The following AKR1C3 variants were observed in gnomAD, a reference collection of about 807,000 sequenced individuals.
The protein encoded by AKR1C3 is 3-alpha hydroxysteroid dehydrogenase, type II.
A neutral mutation model predicts 43.6 loss-of-function variants in AKR1C3; 48 were observed. That is an observed-to-expected ratio of 1.10 (90% confidence interval 0.87 to 1.40). AKR1C3 has a LOEUF of 1.40. AKR1C3 is among the 40% of genes most tolerant of loss of function. The probability of loss-of-function intolerance (pLI) is 0.00; values close to 1 mark genes in which losing one functional copy is unlikely to be tolerated. For synonymous variants in AKR1C3, 162 were observed against 139.6 expected (o/e 1.16, Z -1.13); for missense variants, 482 against 391.2 (o/e 1.23, Z -1.96).
At chr10:5,056,208 C>G (rs974354944) in intron 1 of AKR1C3, among the ~76,000 whole-genome samples, 1 of 152,144 alleles carries the variant, frequency 6.6e-6, no homozygotes, top group African/African-American at 2.4e-5. Flanking sequence ...CAGATGAGGG[C>G]TATCCCTAAA....
chr10:5,077,857 T>G (rs988000120), intron 1 of AKR1C3: 3 of 533,578 alleles, frequency 5.6e-6, no homozygotes, highest in Non-Finnish European at 6.4e-6. Context: ...TTCTCGGAGT[T>G]ATTTCTAAAC....
chr10:5,083,589 A>G (rs1361865161), intron 1 of AKR1C3, among the ~76,000 whole-genome samples: 121 of 152,300 alleles, frequency 7.9e-4, no homozygotes, highest in South Asian at 2.7e-3. Context: ...TTGGGTATAT[A>G]CCCAGTAATG....
In AKR1C3 at chr10:5,062,014, T is replaced by A. The variant is rs72549123; in HGVS notation, c.84+13119T>A. Among the ~76,000 whole-genome samples the A allele has an allele frequency of 5.3e-3, 800 of 152,334 alleles. 7 individuals carry two copies. Among genetic ancestry groups the A allele is most frequent in the African/African-American group, 0.018 (753 of 41,570 alleles). On this transcript the variant is annotated intron_variant, in intron 1 of 8. Coordinates refer to the AKR1C3 transcript ENST00000439082. ...CACAAAGTTTTCAAACTTTAGTAAA[T>A]GTTAGGAACAACTCTTACAAAGACA...
At chr10:5,077,814 G>C (rs1490050486) in intron 1 of AKR1C3, 2 of 567,430 alleles carry the variant, frequency 3.5e-6, no homozygotes, top group Non-Finnish European at 5.5e-6. Flanking sequence ...AAATCTGACC[G>C]ATTTTCAATG....
intron 1 of AKR1C3, among the ~76,000 whole-genome samples, chr10:5,069,520 A>T (rs547678750): frequency 7.9e-5 from 12 of 152,244 alleles, no homozygotes; most frequent in African/African-American, 2.6e-4. Context: ...TTGCCTACTG[A>T]ATTATGTGTT....
rs990969826 is a variant in AKR1C3, at chr10:5,099,197, T to C, written c.448-130T>C. 3 of 1,475,186 alleles carry C rather than the reference T, an allele frequency of 2.0e-6. No individual in the cohort carries two copies. In the African/African-American group the frequency reaches 4.2e-5, roughly 21 times the overall value. 91.4% of individuals were successfully genotyped at this position (1,475,186 alleles called of 1,614,324 possible). On this transcript the variant is annotated intron_variant, in intron 4 of 8. Coordinates refer to ENST00000380554, the MANE Select transcript of AKR1C3 (RefSeq NM_003739.6). The stretch of plus-strand genomic sequence containing the variant: ...CTATTTGCTGTTTGAATTTTTCTTT[T>C]TTTGACAATCACTGCTAGCTATTTT...
chr10:5,104,963 G>C (rs928192432), intron 7 of AKR1C3, among the ~76,000 whole-genome samples: 1 of 151,980 alleles, frequency 6.6e-6, no homozygotes, highest in Non-Finnish European at 1.5e-5. Context: ...CTCATTCTCT[G>C]TATCACTATT....
At chr10:5,097,352 T>C in intron 2 of AKR1C3, 82 bp from the exon 3 acceptor site, 1 of 1,514,586 alleles carries the variant, frequency 6.6e-7, no homozygotes, top group Non-Finnish European at 8.9e-7. Flanking sequence ...AGTAGGAAAA[T>C]ATCTAAATAC....
upstream of AKR1C3, among the ~76,000 whole-genome samples, chr10:5,089,995 G>A (rs1204247030): frequency 6.6e-6 from 1 of 152,156 alleles, no homozygotes; most frequent in Non-Finnish European, 1.5e-5. Flanking sequence ...ATAGCCCTAT[G>A]GCACTTGTGT....
chr10:5,078,140 T>C (rs7894134), intron 1 of AKR1C3, among the ~76,000 whole-genome samples: 1 of 152,180 alleles, frequency 6.6e-6, no homozygotes, highest in Admixed American at 6.5e-5. Context: ...AAAATAATAA[T>C]AAGTCAGGTG....
intron 1 of AKR1C3, among the ~76,000 whole-genome samples, chr10:5,054,709 G>T (rs1370496353): frequency 6.6e-6 from 1 of 151,506 alleles, no homozygotes; most frequent in Non-Finnish European, 1.5e-5. Flanking sequence ...CCTTCTCTTT[G>T]TCTCTTTCTC....
chr10:5,069,093 ATAT>A (rs1838566420), intron 1 of AKR1C3, among the ~76,000 whole-genome samples: 2 of 147,562 alleles, frequency 1.4e-5, no homozygotes, highest in African/African-American at 4.9e-5. Context: ...TTAAGCTCTT[ATAT>A]TATTATTAAA....
chr10:5,048,865 C>T (rs1253401816), exon 1 of AKR1C3: 1 of 1,613,770 alleles, frequency 6.2e-7, no homozygotes, highest in Non-Finnish European at 8.5e-7. Context: ...TCATGCCTGT[C>T]CTGGGATTTG....
chr10:5,099,503 C>T, intron 5 of AKR1C3, 54 bp downstream of exon 5: 1 of 1,610,744 alleles, frequency 6.2e-7, no homozygotes, highest in South Asian at 1.1e-5. Context: ...CTCTTCCTGT[C>T]CTATTGCCAA....
chr10:5,063,778 A>AAAAAAAAAAAAG, intron 1 of AKR1C3, among the ~76,000 whole-genome samples: 1 of 146,224 alleles, frequency 6.8e-6, no homozygotes, highest in Non-Finnish European at 1.5e-5. Flanking sequence ...AAAAAAAAAA[A>AAAAAAAAAAAAG]AAAAAAAAAA....
At chr10:5,061,133 G>T (rs919551212) in intron 1 of AKR1C3, among the ~76,000 whole-genome samples, 2 of 152,238 alleles carry the variant, frequency 1.3e-5, no homozygotes, top group African/African-American at 4.8e-5. Context: ...TGCAGCCAGT[G>T]TGGGCGCCAA....
rs782475927 is a variant in AKR1C3 at position 5,107,466 on chromosome 10, C to T, written c.935C>T (p.Ala312Val). The T allele has an allele frequency of 5.7e-6, 9 of 1,575,902 alleles. No homozygotes were observed. The highest frequency in any genetic ancestry group is 7.9e-6 in the Non-Finnish European group (9 of 1,145,856). The change falls in exon 9 of 9, where the codon GCT becomes GTT. Residue 312 changes from alanine (A) to valine (V), a missense_variant. Ala to Val is a moderately conservative substitution (Grantham distance 64). Transcript: ENST00000380554. ...ATACATTATTCTCTTTTCAGTTTTGCTAGCCACCCTAATTATCCATATTCA... is the reference window on the plus strand; with the variant it reads ...ATACATTATTCTCTTTTCAGTTTTGTTAGCCACCCTAATTATCCATATTCA... ...NLHYFNSDSF[A>V]SHPNYPYSDE... is the part of the protein sequence containing the mutation.
chr10:5,081,817 C>T (rs1188695697), intron 1 of AKR1C3: 2 of 152,190 alleles, frequency 1.3e-5, no homozygotes, highest in African/African-American at 4.8e-5. Flanking sequence ...ACCATTCATC[C>T]TCTCCTAGCA....
At chr10:5,067,033 ATTGT>A (rs144988666) in intron 1 of AKR1C3, among the ~76,000 whole-genome samples, 14,831 of 152,018 alleles carry the variant, frequency 0.098, 1,296 homozygotes, top group African/African-American at 0.24. Flanking sequence ...GGAGTGAATC[ATTGT>A]TTGTTTGTTT....
Sources: allele counts gnomAD v4.1 joint callset (sites outside exome capture counted in the v4.1 genomes callset), GRCh38; gene constraint gnomAD v4.1.1; transcripts MANE v1.5; gene names NCBI Gene and HGNC (gene_info 2026-07-23, HGNC 2026-07-21).